The following RGS6 variants were observed in gnomAD, a reference collection of about 807,000 sequenced individuals.
The protein encoded by RGS6 is regulator of G-protein signaling 6.
RGS6 carries 30 observed loss-of-function variants against 78.5 expected under a neutral mutation model. The observed-to-expected ratio is 0.38, with a 90% confidence interval of 0.29 to 0.52. The LOEUF is 0.52. RGS6 is among the 20% of genes least tolerant of loss of function. The pLI, the probability that RGS6 is intolerant of heterozygous loss-of-function variation, is 0.85. For missense variants in RGS6, 495 were observed against 609.7 expected, an observed-to-expected ratio of 0.81 and a Z score of 1.98; for synonymous variants, 206 against 206.0, an observed-to-expected ratio of 1.00 and a Z score of 0.00.
At chr14:72,607,065 C>A in the RGS6 span, among the ~76,000 whole-genome samples, 4 of 152,118 alleles carry the variant, frequency 2.6e-5, no homozygotes, top group African/African-American at 9.7e-5. Context: ...GGACTAACAC[C>A]CCCTCCCTCC....
the RGS6 span, among the ~76,000 whole-genome samples, chr14:72,610,724 T>C: frequency 1.3e-5 from 2 of 152,170 alleles, no homozygotes; most frequent in East Asian, 1.9e-4. Context: ...AGGTGGGAGA[T>C]GGAGCCTTCT....
At chr14:72,185,261 G>T (rs2097224058) in intron 2 of RGS6, among the ~76,000 whole-genome samples, 1 of 152,012 alleles carries the variant, frequency 6.6e-6, no homozygotes, top group Non-Finnish European at 1.5e-5. Flanking sequence ...CCAGTCCACT[G>T]ACTCAAATGT....
At chr14:72,133,896 C>T (rs137940398) in intron 2 of RGS6, among the ~76,000 whole-genome samples, 1 of 152,172 alleles carries the variant, frequency 6.6e-6, no homozygotes, top group Non-Finnish European at 1.5e-5. Context: ...CAGTCTTTCA[C>T]CCTTACCAGT....
At chr14:72,072,071 A>G (rs2094427594) in intron 2 of RGS6, among the ~76,000 whole-genome samples, 1 of 152,244 alleles carries the variant, frequency 6.6e-6, no homozygotes. Flanking sequence ...TTTCAGGCCC[A>G]GTGCTAAGCA....
At position 72,475,830 on chromosome 14, in the gene RGS6, G is replaced by GCACACACACACACACACGCACACACA. The variant is rs1555424337; in HGVS notation, c.694-895_694-894insGCACACACACACACACACACACACAC. On this transcript the variant is annotated intron_variant, in intron 10 of 17. Coordinates refer to ENST00000553525, the MANE Select transcript of RGS6 (RefSeq NM_001204424.2). ...ATGTATGCATTAAAAAAAAATACAC[G>GCACACACACACACACACGCACACACA]CACACACACACACACACACACACTA... Among the ~76,000 whole-genome samples the GCACACACACACACACACGCACACACA allele has an allele frequency of 1.2e-3, 172 of 145,682 alleles. No individual in the cohort carries two copies. The Middle Eastern group carries it at 0.02, about 17-fold the overall frequency.
At chr14:72,397,390 C>A (rs972911649) in intron 3 of RGS6, among the ~76,000 whole-genome samples, 3 of 151,838 alleles carry the variant, frequency 2.0e-5, no homozygotes, top group Non-Finnish European at 2.9e-5. Flanking sequence ...GATTTTTGCA[C>A]ATTGATTTTG....
chr14:72,266,323 A>T (rs1173403474), intron 2 of RGS6, among the ~76,000 whole-genome samples: 1 of 152,012 alleles, frequency 6.6e-6, no homozygotes, highest in Non-Finnish European at 1.5e-5. Context: ...CTTCCACAAG[A>T]GTGAGCATTT....
chr14:72,506,984 TAA>T (rs71109738), intron 13 of RGS6, among the ~76,000 whole-genome samples: 210 of 54,284 alleles, frequency 3.9e-3, no homozygotes, highest in Admixed American at 0.021. Context: ...CTGTCTCTAC[TAA>T]AAAAAAAAAA....
chr14:71,988,382 A>G (rs2094812776), intron 2 of RGS6, among the ~76,000 whole-genome samples: 1 of 152,152 alleles, frequency 6.6e-6, no homozygotes, highest in Non-Finnish European at 1.5e-5. Flanking sequence ...ATCTGTCCCC[A>G]TGCCTTTGAT....
intron 2 of RGS6, among the ~76,000 whole-genome samples, chr14:72,228,282 G>A (rs1025285730): frequency 1.1e-4 from 16 of 152,144 alleles, no homozygotes; most frequent in Non-Finnish European, 2.1e-4. Context: ...TTGGGAGGCT[G>A]AGGCAGGAGA....
Position 72,555,348 on chromosome 14 carries a change from A to G in RGS6, c.1423-7069A>G, listed in dbSNP as rs558506732. Among the ~76,000 whole-genome samples the G allele has an allele frequency of 2.0e-5, 3 of 152,356 alleles. 1 individual carries two copies. In the South Asian group the frequency reaches 6.2e-4, roughly 32 times the overall value. On this transcript the variant is annotated intron_variant, in intron 17 of 17. Coordinates refer to ENST00000553525, the MANE Select transcript of RGS6 (RefSeq NM_001204424.2). ...GACCTGCACCCCAGCTCAATGCAGT[A>G]ACCAAAAGCCCCTTTTGCCAGGCTT... is the stretch of plus-strand genomic sequence containing the variant.
At chr14:72,038,129 C>T (rs1359031849) in intron 2 of RGS6, among the ~76,000 whole-genome samples, 1 of 152,004 alleles carries the variant, frequency 6.6e-6, no homozygotes, top group African/African-American at 2.4e-5. Flanking sequence ...GCCACCATGC[C>T]TGGCTAATTT....
chr14:72,493,902 C>T (rs2096610719), intron 12 of RGS6, among the ~76,000 whole-genome samples: 1 of 152,154 alleles, frequency 6.6e-6, no homozygotes, highest in African/African-American at 2.4e-5. Flanking sequence ...TCTCATGCAT[C>T]CTTTATTACG....
intron 2 of RGS6, among the ~76,000 whole-genome samples, chr14:72,195,847 G>GA (rs1235071280): frequency 3.3e-5 from 5 of 152,220 alleles, no homozygotes; most frequent in African/African-American, 1.2e-4. Context: ...GTTCACTTAA[G>GA]AATTAATATT....
intron 3 of RGS6, among the ~76,000 whole-genome samples, chr14:72,380,341 G>A (rs1003164899): frequency 3.3e-5 from 5 of 151,964 alleles, no homozygotes; most frequent in Non-Finnish European, 5.9e-5. Flanking sequence ...AAACTAAAAA[G>A]CTTCTGTACA....
chr14:72,566,306 C>T lies in RGS6; in HGVS notation c.*3839C>T, dbSNP rs1258136558. 6.6e-6 allele frequency: 1 copy of T among 152,248 alleles called. No individual in the cohort carries two copies. The highest frequency in any genetic ancestry group is 1.5e-5 in the Non-Finnish European group (1 of 68,092). 9.4% of individuals were successfully genotyped at this position (152,248 alleles called of 1,614,324 possible). A position where few individuals can be genotyped will look rare whatever the true frequency, so the allele number is the denominator to read the frequency against. ...CCCAGCCCCGATGAGGGCTCAGAGC[C>T]AGCTGCTGTCAGCTGTCTGGGGAGG... is the stretch of plus-strand genomic sequence containing the variant. On this transcript the variant is annotated 3_prime_UTR_variant, in exon 18 of 18. Transcript: ENST00000553525.
intron 2 of RGS6, among the ~76,000 whole-genome samples, chr14:72,054,031 A>C (rs2093480064): frequency 6.6e-6 from 1 of 152,252 alleles, no homozygotes; most frequent in Non-Finnish European, 1.5e-5. Flanking sequence ...AGAAGAGAAT[A>C]GCAATTTCCA....
intron 2 of RGS6, among the ~76,000 whole-genome samples, chr14:72,313,002 T>G (rs1308987570): frequency 6.6e-6 from 1 of 152,204 alleles, no homozygotes; most frequent in Non-Finnish European, 1.5e-5. Context: ...TCTCTGGCAT[T>G]AACACAGAAT....
intron 17 of RGS6, among the ~76,000 whole-genome samples, chr14:72,544,387 C>T (rs2153517821): frequency 6.6e-6 from 1 of 152,272 alleles, no homozygotes; most frequent in African/African-American, 2.4e-5. Flanking sequence ...CCTTTGGAGG[C>T]TCAGTTGAAA....
Sources: allele counts gnomAD v4.1 joint callset (sites outside exome capture counted in the v4.1 genomes callset), GRCh38; gene constraint gnomAD v4.1.1; transcripts MANE v1.5; gene names NCBI Gene and HGNC (gene_info 2026-07-23, HGNC 2026-07-21).